Variants in ITIH2 observed in about 807,000 individuals in gnomAD.
ITIH2 encodes inter-alpha-trypsin inhibitor heavy chain 2.
Under a neutral mutation model 104.4 loss-of-function variants are expected in ITIH2, and 103 were observed. The ratio of observed to expected loss-of-function variants is 0.99; its 90% CI spans 0.84 to 1.16. ITIH2 has a LOEUF of 1.16. Ranked by LOEUF, ITIH2 falls within the 50% of genes most tolerant of loss-of-function variation. The pLI is 0.00. For synonymous variants in ITIH2, 436 were observed against 435.4 expected, an observed-to-expected ratio of 1.00 and a Z score of -0.02; for missense variants, 1,108 against 1,162.4, an observed-to-expected ratio of 0.95 and a Z score of 0.68.
At chr10:7,713,487 T>A in intron 5 of ITIH2, 1 of 525,016 alleles carries the variant, frequency 1.9e-6, no homozygotes. Context: ...TTTTGGGTGA[T>A]CCCACGCTGG....
intron 19 of ITIH2, among the ~76,000 whole-genome samples, chr10:7,745,281 G>A (rs1169874109): frequency 6.6e-6 from 1 of 152,144 alleles, no homozygotes; most frequent in Non-Finnish European, 1.5e-5. Context: ...GTGATAACAA[G>A]CAGAACACTC....
At position 7,738,758 on chromosome 10, in the gene ITIH2, G is replaced by A. The variant is rs771187299; in HGVS notation, c.2095G>A (p.Val699Ile). Residue 699 changes from valine (V) to isoleucine (I), a missense_variant and splice_region_variant, in exon 16 of 21, where the codon GTT (valine) becomes ATT (isoleucine). Coordinates refer to ENST00000358415, the MANE Select transcript of ITIH2 (RefSeq NM_002216.3). The stretch of plus-strand genomic sequence containing the variant: ...CACGCCACCCCCACATGTGATGAGA[G>A]GTAACGCTTCTACACTGCTTGCACG... ...ESTPPPHVMRVENDPHFIIYL... is the reference protein window; with the variant it reads ...ESTPPPHVMRIENDPHFIIYL... The A allele has an allele frequency of 7.5e-6, 12 of 1,606,244 alleles. No homozygotes were observed. The highest frequency in any genetic ancestry group is 1.7e-4 in the Middle Eastern group (1 of 6,036).
At chr10:7,735,888 G>A (rs143334067) in intron 15 of ITIH2, among the ~76,000 whole-genome samples, 3,193 of 152,060 alleles carry the variant, frequency 0.021, 54 homozygotes, top group South Asian at 0.078. Flanking sequence ...GGCCAGGCTG[G>A]TCTCGAACTC....
chr10:7,733,778 G>C (rs1835025896), intron 14 of ITIH2, among the ~76,000 whole-genome samples: 1 of 152,118 alleles, frequency 6.6e-6, no homozygotes, highest in African/African-American at 2.4e-5. Context: ...CTGTCTATAA[G>C]ACAGGATTCT....
chr10:7,732,117 A>C, intron 13 of ITIH2, 121 bp downstream of exon 13: 1 of 899,834 alleles, frequency 1.1e-6, no homozygotes, highest in Non-Finnish European at 1.7e-6. Context: ...AGTGATGGAG[A>C]AGGCATGAGA....
In ITIH2 at chr10:7,735,664, C is replaced by A. The variant is rs975049201; in HGVS notation, c.1957+573C>A. ...CACTGTTTTCTTTTTCTTTTCTTTT[C>A]TTTTCTTTTCTTTTTTTTTTTTTTT... On this transcript the variant is annotated intron_variant, in intron 15 of 20. Coordinates refer to ENST00000358415, the MANE Select transcript of ITIH2 (RefSeq NM_002216.3). Among the ~76,000 whole-genome samples, 3 of 145,398 alleles carry A rather than the reference C, an allele frequency of 2.1e-5. No homozygotes were observed. The Admixed American group carries it at 2.1e-4, about 10-fold the overall frequency.
rs1042802038 is a variant in ITIH2, at chr10:7,722,708, C to T, written c.868-743C>T. ...AGAGAGCTTCTGAGTCTGAGCTCAT[C>T]CTTAGGTCCCAGTGGAGATGCTGCT... is the stretch of plus-strand genomic sequence containing the variant. On this transcript the variant is annotated intron_variant, in intron 8 of 20. Transcript: ENST00000358415. Among the ~76,000 whole-genome samples the T allele has an allele frequency of 2.0e-4, 31 of 152,318 alleles. No homozygotes were observed. In the South Asian group the frequency reaches 3.5e-3, roughly 17 times the overall value.
intron 16 of ITIH2, among the ~76,000 whole-genome samples, chr10:7,742,942 T>C (rs1042294389): frequency 2.0e-5 from 3 of 152,092 alleles, no homozygotes; most frequent in Non-Finnish European, 4.4e-5. Context: ...TAAAATAACA[T>C]AGGGTTCTGA....
At chr10:7,718,478 T>G (rs1173091441) in intron 6 of ITIH2, among the ~76,000 whole-genome samples, 1 of 152,222 alleles carries the variant, frequency 6.6e-6, no homozygotes, top group African/African-American at 2.4e-5. Flanking sequence ...GAGTCTTCGC[T>G]GTCTCATCTA....
chr10:7,748,065 C>T lies in ITIH2; in HGVS notation c.2694-1122C>T, dbSNP rs150187248. On this transcript the variant is annotated intron_variant, in intron 20 of 20. Coordinates refer to ENST00000358415, the MANE Select transcript of ITIH2 (RefSeq NM_002216.3). ...CTCTACTAAAAATACAAAAATTAGC[C>T]GGGTGTGGTGGCGGGCGCCTGTATT... Among the ~76,000 whole-genome samples, 609 of 151,614 alleles carry T rather than the reference C, an allele frequency of 4.0e-3. 3 individuals are homozygous for T. The highest frequency in any genetic ancestry group is 0.02 in the Middle Eastern group (6 of 294).
chr10:7,730,130 T>G lies in ITIH2; in HGVS notation c.1458T>G (p.Leu486=). The G allele has an allele frequency of 6.3e-7, 1 of 1,588,890 alleles. No homozygotes were observed. The highest frequency in any genetic ancestry group is 2.2e-5 in the East Asian group (1 of 44,696). ...GAAACCAGGACACGTCTTCCCAGCT[T>G]AAGGTAACATTTTCTTCTGTTCTTT... ...IYGNQDTSSQ[L]KKFYNQVSTP... The change falls in exon 12 of 21, where the codon CTT becomes CTG. Residue 486 remains leucine, a synonymous_variant. Transcript: ENST00000358415.
intron 16 of ITIH2, 60 bp downstream of exon 16, chr10:7,738,818 A>G: frequency 6.6e-7 from 1 of 1,507,510 alleles, no homozygotes; most frequent in Non-Finnish European, 8.9e-7. Flanking sequence ...CCTGGGAAGC[A>G]TTGTGTGCAT....
At chr10:7,721,066 AG>A (rs1349800274) in intron 7 of ITIH2, 103 bp downstream of exon 7, 1 of 762,780 alleles carries the variant, frequency 1.3e-6, no homozygotes, top group Middle Eastern at 3.5e-4. Flanking sequence ...GCTGGTGTTG[AG>A]GACACTGTTG....
intron 13 of ITIH2, 70 bp downstream of exon 13, chr10:7,732,066 C>A: frequency 8.2e-7 from 1 of 1,222,618 alleles, no homozygotes; most frequent in Non-Finnish European, 1.2e-6. Flanking sequence ...TGAATGTCAG[C>A]TCTGCCTGCC....
chr10:7,744,365 A>G (rs563970527), intron 18 of ITIH2, 85 bp downstream of exon 18: 5 of 1,112,482 alleles, frequency 4.5e-6, no homozygotes, highest in African/African-American at 1.6e-5. Context: ...ATCAACATTG[A>G]AAAAAAATCA....
chr10:7,709,600 A>G (rs903561951), intron 4 of ITIH2, among the ~76,000 whole-genome samples: 1 of 152,114 alleles, frequency 6.6e-6, no homozygotes, highest in Non-Finnish European at 1.5e-5. Context: ...GATTAAATCT[A>G]ATTACTTATC....
At chr10:7,743,551 A>T (rs1819047340) in intron 17 of ITIH2, among the ~76,000 whole-genome samples, 1 of 152,030 alleles carries the variant, frequency 6.6e-6, no homozygotes, top group Non-Finnish European at 1.5e-5. Flanking sequence ...AGGTGGGCGG[A>T]TCATCTGAGG....
At chr10:7,734,483 C>A (rs1395769426) in intron 14 of ITIH2, among the ~76,000 whole-genome samples, 1 of 152,178 alleles carries the variant, frequency 6.6e-6, no homozygotes, top group African/African-American at 2.4e-5. Context: ...TCGCTTGAGT[C>A]CAAGAGTTTG....
chr10:7,738,525 A>AT, intron 15 of ITIH2, 96 bp from the exon 16 acceptor site: 1 of 1,385,340 alleles, frequency 7.2e-7, no homozygotes, highest in Non-Finnish European at 1.0e-6. Flanking sequence ...TAAGCTGACA[A>AT]TACCTGGGGG....
Sources: allele counts gnomAD v4.1 joint callset (sites outside exome capture counted in the v4.1 genomes callset), GRCh38; gene constraint gnomAD v4.1.1; transcripts MANE v1.5; gene names NCBI Gene and HGNC (gene_info 2026-07-23, HGNC 2026-07-21).